Variants in LRP6 observed in about 807,000 individuals in gnomAD.
LRP6 encodes the protein low-density lipoprotein receptor-related protein 6.
Under a neutral mutation model 184.1 loss-of-function variants are expected in LRP6, and 43 were observed. That is an observed-to-expected ratio of 0.23 (90% CI 0.18 to 0.30). LRP6 has a LOEUF of 0.30. Among genes scored for constraint, LRP6 ranks in the 10% least tolerant of loss-of-function variants. LRP6 has a pLI of 1.00. For missense variants in LRP6, 1,571 were observed against 2,005.3 expected, an observed-to-expected ratio of 0.78 and a Z score of 4.14; for synonymous variants, 719 against 684.9, an observed-to-expected ratio of 1.05 and a Z score of -0.78.
Position 12,149,157 on chromosome 12 carries a change from G to T in LRP6, c.2995-4C>A. On this transcript the variant is annotated splice_polypyrimidine_tract_variant and splice_region_variant and intron_variant, in intron 13 of 22. Transcript: ENST00000261349. ...AGCTCACAACCACAGTAAAGCCCTA[G>T]GGAAAAAAAGAAATACAGAGAAAAT... The T allele has an allele frequency of 6.2e-7, 1 of 1,612,628 alleles. No individual in the cohort carries two copies. Among genetic ancestry groups the T allele is most frequent in the African/African-American group, 1.3e-5 (1 of 74,970 alleles).
Position 12,147,570 on chromosome 12 carries a change from A to T in LRP6, c.3207-14T>A. The T allele has an allele frequency of 6.2e-7, 1 of 1,605,812 alleles. No individual in the cohort carries two copies. Among genetic ancestry groups the T allele is most frequent in the Non-Finnish European group, 8.5e-7 (1 of 1,172,744 alleles). On this transcript the variant is annotated splice_polypyrimidine_tract_variant and intron_variant, in intron 14 of 22. Coordinates refer to ENST00000261349, the MANE Select transcript of LRP6 (RefSeq NM_002336.3). ...AAATACATATACCTAGAGGGAAAGG[A>T]GGAAAAAAATAAGTTACTGGAGTAA... is the stretch of plus-strand genomic sequence containing the variant.
At chr12:12,217,105 C>T (rs1019763645) in intron 2 of LRP6, among the ~76,000 whole-genome samples, 16 of 152,160 alleles carry the variant, frequency 1.1e-4, no homozygotes, top group Non-Finnish European at 2.1e-4. Flanking sequence ...CTTTTAGGAA[C>T]CAGGTCACAC....
At chr12:12,194,169 C>T (rs966335306) in intron 3 of LRP6, among the ~76,000 whole-genome samples, 3 of 151,892 alleles carry the variant, frequency 2.0e-5, no homozygotes, top group African/African-American at 7.3e-5. Flanking sequence ...TGTCCATGAA[C>T]TAGGAATAGA....
intron 22 of LRP6, among the ~76,000 whole-genome samples, chr12:12,123,496 G>C (rs1454135924): frequency 1.3e-5 from 2 of 152,180 alleles, no homozygotes; most frequent in East Asian, 3.9e-4. Context: ...CAATTTGACT[G>C]AAATGCTAGG....
At chr12:12,158,360 G>GT (rs1259822347) in intron 12 of LRP6, among the ~76,000 whole-genome samples, 1 of 151,862 alleles carries the variant, frequency 6.6e-6, no homozygotes, top group African/African-American at 2.4e-5. Flanking sequence ...GAATCTCTCT[G>GT]TGTCACCCAG....
At position 12,165,752 on chromosome 12, in the gene LRP6, TTGA is replaced by T. The variant is rs201505612; in HGVS notation, c.1546-460_1546-458del. ...AAGGTCACAGAGCTTGTAAACACAG[TTGA>T]TGTCTTTTTCAGGACTTTTTCCACT... On this transcript the variant is annotated intron_variant, in intron 7 of 22. Transcript: ENST00000261349. Among the ~76,000 whole-genome samples, 1,108 of 152,262 alleles carry T rather than the reference TTGA, an allele frequency of 7.3e-3. 11 individuals are homozygous for T. Among genetic ancestry groups the T allele is most frequent in the Middle Eastern group, 0.017 (5 of 294 alleles).
chr12:12,181,721 G>A (rs1376706524), intron 5 of LRP6, among the ~76,000 whole-genome samples: 3 of 152,158 alleles, frequency 2.0e-5, no homozygotes, highest in Non-Finnish European at 1.5e-5. Flanking sequence ...AATGAATAAT[G>A]ACTATGTAAT....
intron 3 of LRP6, among the ~76,000 whole-genome samples, chr12:12,198,428 G>GT (rs1257816261): frequency 1.5e-4 from 23 of 150,452 alleles, no homozygotes; most frequent in South Asian, 1.5e-3. Context: ...CTATTTAAAG[G>GT]TTTTTTGGTT....
intron 1 of LRP6, among the ~76,000 whole-genome samples, chr12:12,257,710 A>C (rs1210212316): frequency 2.9e-5 from 4 of 138,594 alleles, no homozygotes; most frequent in African/African-American, 1.0e-4. Flanking sequence ...TGGGAAACCA[A>C]GGCAGGAGGA....
chr12:12,144,477 T>C (rs942540666), intron 15 of LRP6, among the ~76,000 whole-genome samples: 7 of 152,074 alleles, frequency 4.6e-5, no homozygotes, highest in Non-Finnish European at 8.8e-5. Context: ...GACCCCCATC[T>C]CTACAAAAAT....
intron 2 of LRP6, among the ~76,000 whole-genome samples, chr12:12,235,662 G>A (rs570182386): frequency 4.6e-5 from 7 of 152,012 alleles, no homozygotes; most frequent in Non-Finnish European, 8.8e-5. Context: ...CCCGGGAGGT[G>A]GAGGTTGCAG....
chr12:12,127,748 G>T lies in LRP6; in HGVS notation c.4082-827C>A, dbSNP rs115765079. ...TTCAGAGGGAAAATTCTTCCATTCT[G>T]AACAGTTAAATTTTATCTCACAGTT... On this transcript the variant is annotated intron_variant, in intron 19 of 22. Transcript: ENST00000261349. 6.5e-3 allele frequency among the ~76,000 whole-genome samples: 991 copies of T among 152,244 alleles called. 11 individuals are homozygous for T. The highest frequency in any genetic ancestry group is 0.023 in the African/African-American group (965 of 41,542).
chr12:12,188,840 T>A (rs1029426745), intron 3 of LRP6, among the ~76,000 whole-genome samples: 1 of 152,188 alleles, frequency 6.6e-6, no homozygotes, highest in African/African-American at 2.4e-5. Context: ...CAGTTTATGT[T>A]CAATTTTAAA....
intron 15 of LRP6, 85 bp from the exon 16 acceptor site, chr12:12,138,619 T>G (rs1949881336): frequency 7.4e-7 from 1 of 1,357,106 alleles, no homozygotes; most frequent in Admixed American, 1.7e-5. Flanking sequence ...ACCAGTTAGA[T>G]TCTACAGGTA....
chr12:12,181,537 T>C (rs1455275130), intron 5 of LRP6, 98 bp from the exon 6 acceptor site: 15 of 739,168 alleles, frequency 2.0e-5, no homozygotes, highest in Non-Finnish European at 3.6e-5. Context: ...AAATATAAAA[T>C]ATACATAAAT....
At position 12,117,125 on chromosome 12, in the gene LRP6, T is replaced by C. The variant is rs1160554312; in HGVS notation, c.*4001A>G. 6.6e-6 allele frequency: 1 copy of C among 152,232 alleles called. No individual in the cohort carries two copies. The allele number at this position is 152,232 out of a possible 1,614,324, so 9.4% of individuals were successfully genotyped here. ...TACAAGTACTTTCTAAAATCATCTT[T>C]CACTACAAGTACTTTCTAAAATCAT... On this transcript the variant is annotated 3_prime_UTR_variant, in exon 23 of 23. Coordinates refer to ENST00000261349, the MANE Select transcript of LRP6 (RefSeq NM_002336.3).
intron 14 of LRP6, among the ~76,000 whole-genome samples, chr12:12,148,324 G>T (rs1950037499): frequency 6.6e-6 from 1 of 151,716 alleles, no homozygotes; most frequent in Non-Finnish European, 1.5e-5. Flanking sequence ...TAACTAAAAA[G>T]AAGTTACATA....
At chr12:12,248,069 A>G (rs192779740) in intron 1 of LRP6, among the ~76,000 whole-genome samples, 1 of 152,290 alleles carries the variant, frequency 6.6e-6, no homozygotes, top group Non-Finnish European at 1.5e-5. Flanking sequence ...ATCTTAATTT[A>G]TACCTCTCAA....
At chr12:12,184,706 T>C (rs373901125) in intron 4 of LRP6, among the ~76,000 whole-genome samples, 1 of 152,100 alleles carries the variant, frequency 6.6e-6, no homozygotes, top group Non-Finnish European at 1.5e-5. Flanking sequence ...AGAATGGGAA[T>C]AGATTAAAGT....
Sources: allele counts gnomAD v4.1 joint callset (sites outside exome capture counted in the v4.1 genomes callset), GRCh38; gene constraint gnomAD v4.1.1; transcripts MANE v1.5; gene names NCBI Gene and HGNC (gene_info 2026-07-23, HGNC 2026-07-21).